Variants in ASAP1 observed in about 807,000 individuals in gnomAD.
ASAP1 encodes the protein ArfGAP with SH3 domain, ankyrin repeat and PH domain 1.
A neutral mutation model predicts 145.2 loss-of-function variants in ASAP1; 43 were observed. That is an observed-to-expected ratio of 0.30 (90% CI 0.23 to 0.38). The LOEUF (loss-of-function observed/expected upper bound fraction) is 0.38, where lower values mean the gene tolerates loss of function less well. Among genes scored for constraint, ASAP1 ranks in the 10% least tolerant of loss-of-function variants. The probability of loss-of-function intolerance (pLI) is 1.00; values close to 1 mark genes in which losing one functional copy is unlikely to be tolerated. For synonymous variants in ASAP1, 546 were observed against 515.5 expected, an observed-to-expected ratio of 1.06 and a Z score of -0.80; for missense variants, 1,018 against 1,355.3, an observed-to-expected ratio of 0.75 and a Z score of 3.91.
At chr8:130,115,785 C>T (rs1164596033) in intron 22 of ASAP1, 50 bp from the exon 23 acceptor site, 2 of 1,313,042 alleles carry the variant, frequency 1.5e-6, no homozygotes, top group Admixed American at 1.7e-5. Context: ...GCTGAAACAT[C>T]CCAATATTAT....
intron 4 of ASAP1, among the ~76,000 whole-genome samples, chr8:130,218,776 T>C (rs1303500703): frequency 6.6e-6 from 1 of 152,054 alleles, no homozygotes; most frequent in Non-Finnish European, 1.5e-5. Context: ...GAAGACTAGA[T>C]AAGTATAGGC....
intron 2 of ASAP1, among the ~76,000 whole-genome samples, chr8:130,370,357 CAGCCATATA>C (rs1473520797): frequency 6.6e-6 from 1 of 152,116 alleles, no homozygotes; most frequent in African/African-American, 2.4e-5. Context: ...AGCTATTTTT[CAGCCATATA>C]AGGACACAAT....
At chr8:130,230,260 C>G (rs986147617) in intron 4 of ASAP1, among the ~76,000 whole-genome samples, 1 of 149,976 alleles carries the variant, frequency 6.7e-6, no homozygotes, top group Non-Finnish European at 1.5e-5. Flanking sequence ...ATTCTACAAC[C>G]AGCAAAACGG....
rs1041030455 is a variant in ASAP1 at position 130,270,076 on chromosome 8, A to C, written c.187-33082T>G. On this transcript the variant is annotated intron_variant, in intron 3 of 29. Transcript: ENST00000518721. The stretch of plus-strand genomic sequence containing the variant: ...TCCCAGCTATTCTGGAGGCCGAGGC[A>C]CAAGAATCGCTTGAACTTGGGAGGC... Among the ~76,000 whole-genome samples, 4 of 152,230 alleles carry C rather than the reference A, an allele frequency of 2.6e-5. No homozygotes were observed. The South Asian group carries it at 6.2e-4, about 24-fold the overall frequency.
intron 3 of ASAP1, among the ~76,000 whole-genome samples, chr8:130,307,221 A>C (rs954810788): frequency 1.3e-5 from 2 of 149,814 alleles, no homozygotes; most frequent in African/African-American, 4.8e-5. Context: ...CCATTGCTGT[A>C]ATCCCCAACA....
intron 1 of ASAP1, among the ~76,000 whole-genome samples, chr8:130,422,060 T>G (rs79211092): frequency 0.016 from 2,420 of 152,256 alleles, 63 homozygotes; most frequent in African/African-American, 0.056. Flanking sequence ...AGGTGGTCAA[T>G]TCTACCCAGA....
intron 15 of ASAP1, among the ~76,000 whole-genome samples, chr8:130,129,944 T>C (rs1182731401): frequency 6.6e-6 from 1 of 152,212 alleles, no homozygotes; most frequent in African/African-American, 2.4e-5. Flanking sequence ...AGAAATTGTT[T>C]TGTTAAAAAC....
In ASAP1 at chr8:130,401,914, A is replaced by C; in HGVS notation, c.30T>G (p.Ser10Arg). The change falls in exon 2 of 30, where the codon AGT becomes AGG. Residue 10 changes from serine (S) to arginine (R), a missense_variant. Transcript: ENST00000518721. ...TCCATAGTGAATCTCTCGACGAAAA[A>C]CTGGAGAGCCTGGAGGCTGAAGATC... is the stretch of plus-strand genomic sequence containing the variant. MRSSASRLSSFSSRDSLWNR... is the reference protein window; with the variant it reads MRSSASRLSRFSSRDSLWNR... The C allele has an allele frequency of 1.2e-6, 2 of 1,613,668 alleles. No homozygotes were observed. The highest frequency in any genetic ancestry group is 2.2e-5 in the South Asian group (2 of 90,946).
At chr8:130,250,236 TAAG>T (rs1819108773) in intron 3 of ASAP1, among the ~76,000 whole-genome samples, 1 of 152,068 alleles carries the variant, frequency 6.6e-6, no homozygotes, top group Non-Finnish European at 1.5e-5. Flanking sequence ...TTCATCAATC[TAAG>T]AAGACATGCA....
intron 24 of ASAP1, among the ~76,000 whole-genome samples, chr8:130,096,596 A>G (rs901075570): frequency 2.0e-5 from 3 of 152,160 alleles, no homozygotes; most frequent in African/African-American, 7.2e-5. Context: ...AATAAATCTG[A>G]GGTTAAATAA....
At chr8:130,423,921 G>T (rs983664640) in intron 1 of ASAP1, among the ~76,000 whole-genome samples, 1 of 151,882 alleles carries the variant, frequency 6.6e-6, no homozygotes, top group African/African-American at 2.4e-5. Context: ...GGAAAATGGG[G>T]GGTGACTGCT....
intron 3 of ASAP1, among the ~76,000 whole-genome samples, chr8:130,344,401 C>A (rs1053741050): frequency 1.3e-5 from 2 of 151,830 alleles, no homozygotes. Flanking sequence ...AAGTCCTTAT[C>A]TTTTAGAAGT....
intron 2 of ASAP1, among the ~76,000 whole-genome samples, chr8:130,378,911 C>T (rs184627103): frequency 2.0e-5 from 3 of 152,292 alleles, no homozygotes; most frequent in Non-Finnish European, 4.4e-5. Flanking sequence ...CTCATCTGAT[C>T]TCATTAATAT....
At chr8:130,312,400 C>T (rs902725127) in intron 3 of ASAP1, among the ~76,000 whole-genome samples, 1 of 151,830 alleles carries the variant, frequency 6.6e-6, no homozygotes, top group African/African-American at 2.4e-5. Flanking sequence ...ACAAACCAGA[C>T]GAGAGCTAAA....
At chr8:130,253,414 CTTTGA>C (rs922859683) in intron 3 of ASAP1, among the ~76,000 whole-genome samples, 3 of 152,162 alleles carry the variant, frequency 2.0e-5, no homozygotes, top group African/African-American at 7.2e-5. Flanking sequence ...GATGCATACG[CTTTGA>C]TTTTTTTCCC....
chr8:130,333,159 C>T (rs1431935618), intron 3 of ASAP1, among the ~76,000 whole-genome samples: 1 of 152,150 alleles, frequency 6.6e-6, no homozygotes, highest in Non-Finnish European at 1.5e-5. Flanking sequence ...ATTATCTACT[C>T]CTTATTTCCT....
At chr8:130,297,904 A>G (rs530472771) in intron 3 of ASAP1, among the ~76,000 whole-genome samples, 19 of 152,290 alleles carry the variant, frequency 1.2e-4, no homozygotes, top group African/African-American at 4.3e-4. Flanking sequence ...GCAAAGTGAC[A>G]TGCTCTTGTA....
At chr8:130,375,685 A>G (rs1220742203) in intron 2 of ASAP1, among the ~76,000 whole-genome samples, 2 of 152,220 alleles carry the variant, frequency 1.3e-5, no homozygotes, top group Non-Finnish European at 2.9e-5. Flanking sequence ...ATGACTGCCC[A>G]CCTGCCTTCA....
chr8:130,118,105 T>G, intron 20 of ASAP1, 56 bp downstream of exon 20: 1 of 1,454,552 alleles, frequency 6.9e-7, no homozygotes. Context: ...AGGACTGGTT[T>G]GTGTTAATTT....
Sources: allele counts gnomAD v4.1 joint callset (sites outside exome capture counted in the v4.1 genomes callset), GRCh38; gene constraint gnomAD v4.1.1; transcripts MANE v1.5; gene names NCBI Gene and HGNC (gene_info 2026-07-23, HGNC 2026-07-21).